The following MYO6 variants were observed in gnomAD, a reference collection of about 807,000 sequenced individuals.
MYO6 encodes the protein myosin VI.
Under a neutral mutation model 178.7 loss-of-function variants are expected in MYO6, and 74 were observed. The observed-to-expected ratio is 0.41, with a 90% CI of 0.34 to 0.50. MYO6 has a LOEUF of 0.50. Among genes scored for constraint, MYO6 ranks in the 20% least tolerant of loss-of-function variants. The pLI is 0.09. For missense variants in MYO6, 1,330 were observed against 1,547.4 expected, an observed-to-expected ratio of 0.86 and a Z score of 2.36; for synonymous variants, 477 against 504.6, an observed-to-expected ratio of 0.95 and a Z score of 0.73.
chr6:75,793,783 T>G (rs941147923), intron 1 of MYO6, among the ~76,000 whole-genome samples: 1 of 152,190 alleles, frequency 6.6e-6, no homozygotes, highest in Non-Finnish European at 1.5e-5. Context: ...TATATCTTCT[T>G]TCTCTTCTGA....
At chr6:75,791,753 C>A (rs1005330565) in intron 1 of MYO6, among the ~76,000 whole-genome samples, 2 of 152,118 alleles carry the variant, frequency 1.3e-5, no homozygotes, top group African/African-American at 2.4e-5. Context: ...TATTTGTGAA[C>A]GTTTTAAAAT....
chr6:75,779,077 A>AAAAAAGAGAT (rs1766695263), intron 1 of MYO6, among the ~76,000 whole-genome samples: 2 of 149,686 alleles, frequency 1.3e-5, no homozygotes, highest in Admixed American at 1.3e-4. Context: ...AAAAAAAAAA[A>AAAAAAGAGAT]AAAAAGAGAT....
chr6:75,865,364 T>TC (rs1157172375), intron 16 of MYO6: 1 of 135,634 alleles, frequency 7.4e-6, no homozygotes, highest in East Asian at 2.0e-4. Flanking sequence ...TCTTTTTTTT[T>TC]TTTTTTTTTT....
rs1246966155 is a variant in MYO6, at chr6:75,858,894, A to AT, written c.1382-4dup. 6.4e-7 allele frequency: 1 copy of AT among 1,569,120 alleles called. No homozygotes were observed. Among genetic ancestry groups the AT allele is most frequent in the Non-Finnish European group, 8.8e-7 (1 of 1,141,560 alleles). On this transcript the variant is annotated splice_polypyrimidine_tract_variant and splice_region_variant and intron_variant, in intron 13 of 34. Coordinates refer to ENST00000369977, the MANE Select transcript of MYO6 (RefSeq NM_004999.4). Reference sequence around the variant, plus strand: ...TAATGACTCTTGGTTCTGGTTTTATATTTTCAGAGTACTTTGAGCATAACA... The same window carrying AT: ...TAATGACTCTTGGTTCTGGTTTTATATTTTTCAGAGTACTTTGAGCATAACA...
chr6:75,902,664 T>C (rs1006796685), intron 30 of MYO6, among the ~76,000 whole-genome samples: 1 of 152,222 alleles, frequency 6.6e-6, no homozygotes, highest in African/African-American at 2.4e-5. Context: ...TGTTGATCCT[T>C]TCAAAAAACC....
At chr6:75,792,434 C>T (rs1323095713) in intron 1 of MYO6, among the ~76,000 whole-genome samples, 2 of 152,064 alleles carry the variant, frequency 1.3e-5, no homozygotes, top group Non-Finnish European at 2.9e-5. Context: ...GGAATTTGTG[C>T]CATGGAAACT....
At chr6:75,870,992 A>G (rs918678352) in intron 19 of MYO6, among the ~76,000 whole-genome samples, 11 of 152,272 alleles carry the variant, frequency 7.2e-5, no homozygotes, top group Admixed American at 2.0e-4. Flanking sequence ...ATGAAATTCA[A>G]TCTTATTTTA....
At chr6:75,804,962 T>C (rs1047855285) in intron 1 of MYO6, among the ~76,000 whole-genome samples, 1 of 143,688 alleles carries the variant, frequency 7.0e-6, no homozygotes, top group Non-Finnish European at 1.5e-5. Flanking sequence ...TGTACACATA[T>C]ATACACATAT....
chr6:75,822,332 G>A (rs11970551), intron 2 of MYO6, among the ~76,000 whole-genome samples: 57,158 of 151,722 alleles, frequency 0.38, 11,401 homozygotes, highest in East Asian at 0.54. Flanking sequence ...TCCTGACCTC[G>A]GATGATCCAC....
rs776073744 is a variant in MYO6 at position 75,866,570 on chromosome 6, C to T, written c.1719C>T (p.Asp573=). The T allele has an allele frequency of 5.0e-5, 80 of 1,613,786 alleles. No individual in the cohort carries two copies. The highest frequency in any genetic ancestry group is 1.6e-4 in the African/African-American group (12 of 74,858). The change falls in exon 17 of 35, where the codon GAC becomes GAT. Residue 573 remains aspartate (D), a synonymous_variant. Coordinates refer to ENST00000369977, the MANE Select transcript of MYO6 (RefSeq NM_004999.4). ...TGGCAGTTCATAGGAATATCAGAGACGACGAAGGCTTCATTATCAGGCATT... is the reference window on the plus strand; with the variant it reads ...TGGCAGTTCATAGGAATATCAGAGATGACGAAGGCTTCATTATCAGGCATT... ...SKLAVHRNIR[D]DEGFIIRHFA...
At chr6:75,757,972 C>CTTTTTTTTTTTTT (rs71002761) in intron 1 of MYO6, among the ~76,000 whole-genome samples, 2 of 74,298 alleles carry the variant, frequency 2.7e-5, no homozygotes, top group African/African-American at 1.0e-4. Flanking sequence ...TTGAAGTTGG[C>CTTTTTTTTTTTTT]TTTTTTTTTT....
At chr6:75,750,314 C>T (rs565103161) in intron 1 of MYO6, among the ~76,000 whole-genome samples, 44 of 152,102 alleles carry the variant, frequency 2.9e-4, no homozygotes, top group African/African-American at 1.1e-3. Flanking sequence ...CCAGGCAGGT[C>T]TTGAAATCCT....
At position 75,817,530 on chromosome 6, in the gene MYO6, G is replaced by A. The variant is rs776306756; in HGVS notation, c.-18G>A. On this transcript the variant is annotated 5_prime_UTR_variant, in exon 2 of 35. In the 5' UTR this introduces an upstream ATG that the reference lacks. Transcript: ENST00000369977. ...CAGTGGATAGTGGAAACAGGAGATC[G>A]TGGATCCTCCTTCAAAAATGGAGGA... The A allele has an allele frequency of 1.8e-5, 29 of 1,596,042 alleles. No individual in the cohort carries two copies. The highest frequency in any genetic ancestry group is 2.2e-5 in the Non-Finnish European group (26 of 1,163,488).
At chr6:75,765,888 G>A (rs1291723348) in intron 1 of MYO6, among the ~76,000 whole-genome samples, 3 of 152,062 alleles carry the variant, frequency 2.0e-5, no homozygotes, top group Non-Finnish European at 4.4e-5. Context: ...TTAGCTGGGC[G>A]TGGTAGGTGT....
chr6:75,890,321 T>G, intron 26 of MYO6, 56 bp downstream of exon 26: 1 of 1,605,990 alleles, frequency 6.2e-7, no homozygotes, highest in Non-Finnish European at 8.5e-7. Context: ...GAATTCTTGG[T>G]ATTGACAGTG....
intron 1 of MYO6, among the ~76,000 whole-genome samples, chr6:75,753,592 G>A (rs1777088764): frequency 6.6e-6 from 1 of 151,794 alleles, no homozygotes; most frequent in Admixed American, 6.6e-5. Context: ...CTCCGGAGTA[G>A]CTGGGACCAC....
chr6:75,890,713 T>C (rs985839476), intron 26 of MYO6, among the ~76,000 whole-genome samples: 1 of 152,262 alleles, frequency 6.6e-6, no homozygotes, highest in African/African-American at 2.4e-5. Flanking sequence ...ATTGAGAGAA[T>C]AAGGTCATTT....
intron 1 of MYO6, among the ~76,000 whole-genome samples, chr6:75,782,393 C>T (rs1179689759): frequency 6.6e-6 from 1 of 151,990 alleles, no homozygotes; most frequent in East Asian, 1.9e-4. Flanking sequence ...CTGCTGCTTC[C>T]ACATAATTTT....
At chr6:75,750,614 C>CTT (rs199542202) in intron 1 of MYO6, among the ~76,000 whole-genome samples, 1 of 141,590 alleles carries the variant, frequency 7.1e-6, no homozygotes, top group Admixed American at 7.1e-5. Context: ...TAAAAATTAA[C>CTT]TTTTTTTTTT....
Sources: allele counts gnomAD v4.1 joint callset (sites outside exome capture counted in the v4.1 genomes callset), GRCh38; gene constraint gnomAD v4.1.1; transcripts MANE v1.5; gene names NCBI Gene and HGNC (gene_info 2026-07-23, HGNC 2026-07-21).